Variants in SDR39U1 observed in about 807,000 individuals in gnomAD.
SDR39U1 encodes the protein short chain dehydrogenase/reductase family 39U member 1.
SDR39U1 carries 29 observed loss-of-function variants against 31.7 expected under a neutral mutation model. That is an observed-to-expected ratio of 0.92 (90% CI 0.68 to 1.25). The LOEUF (loss-of-function observed/expected upper bound fraction) is 1.25. Ranked by LOEUF, SDR39U1 falls within the 50% of genes most tolerant of loss-of-function variation. The pLI is 0.00. For synonymous variants in SDR39U1, 147 were observed against 159.0 expected (o/e 0.92, Z 0.57); for missense variants, 403 against 378.4 (o/e 1.06, Z -0.54).
chr14:24,440,438 CGA>C lies in SDR39U1; in HGVS notation c.525_526del (p.Phe175LeufsTer32). On this transcript the variant is annotated frameshift_variant, in exon 6 of 6. Coordinates refer to ENST00000399395, the MANE Select transcript of SDR39U1 (RefSeq NM_020195.3). LOFTEE classifies it high-confidence loss of function. ...GCCGATGGGGCCCCCCAGGCCCAGGCGAAAGGGCAGCAGCATGTGGCCCATGG... is the reference window on the plus strand; with the variant it reads ...GCCGATGGGGCCCCCCAGGCCCAGGCAAGGGCAGCAGCATGTGGCCCATGG... 2 of 1,611,982 alleles carry C rather than the reference CGA, an allele frequency of 1.2e-6. No individual in the cohort carries two copies.
At chr14:24,440,558 G>A (rs2043301826) in intron 5 of SDR39U1, 66 bp from the exon 6 acceptor site, 1 of 1,515,142 alleles carries the variant, frequency 6.6e-7, no homozygotes, top group Non-Finnish European at 9.0e-7. Flanking sequence ...TGCTCCTCCT[G>A]GTTTCTGTTT....
chr14:24,441,788 C>CT lies in SDR39U1; in HGVS notation c.213_214insA (p.Glu72ArgfsTer20). 1 of 1,605,988 alleles carries CT rather than the reference C, an allele frequency of 6.2e-7. No individual in the cohort carries two copies. Among genetic ancestry groups the CT allele is most frequent in the Non-Finnish European group, 8.5e-7 (1 of 1,177,196 alleles). Reference sequence around the variant, plus strand: ...CCGATTACCTCTTTTTGGAAGGTTTCATTCCATCTGCAGGAGAAACATGGG... The same window carrying CT: ...CCGATTACCTCTTTTTGGAAGGTTTCTATTCCATCTGCAGGAGAAACATGGG... On this transcript the variant is annotated frameshift_variant, in exon 4 of 6. Coordinates refer to ENST00000399395, the MANE Select transcript of SDR39U1 (RefSeq NM_020195.3). LOFTEE classifies it high-confidence loss of function.
At chr14:24,442,103 G>A in intron 3 of SDR39U1, 75 bp downstream of exon 3, 1 of 1,560,200 alleles carries the variant, frequency 6.4e-7, no homozygotes. Context: ...ATTACCCATA[G>A]CTCACAGGTT....
chr14:24,440,034 A>C lies in SDR39U1; in HGVS notation c.*49T>G. 2.0e-6 allele frequency: 3 copies of C among 1,498,088 alleles called. No individual in the cohort carries two copies. Among genetic ancestry groups the C allele is most frequent in the Non-Finnish European group, 2.7e-6 (3 of 1,109,864 alleles). The allele number at this position is 1,498,088 out of a possible 1,614,324, so 92.8% of individuals were successfully genotyped here. ...GGAGCTGAGCCTATTCACAGTGCCT[A>C]ACCTGGAAGCCTGTGAGGAACAGGC... On this transcript the variant is annotated 3_prime_UTR_variant, in exon 6 of 6. Coordinates refer to ENST00000399395, the MANE Select transcript of SDR39U1 (RefSeq NM_020195.3).
Position 24,440,344 on chromosome 14 carries a change from T to C in SDR39U1, c.621A>G (p.Glu207=), listed in dbSNP as rs750333767. The change falls in exon 6 of 6, where the codon GAA becomes GAG. Residue 207 remains glutamate (E), a synonymous_variant. Transcript: ENST00000399395. ...TCAGGACCCCGTGCACGTGGTTTGC[T>C]TCAAGGGCATGGGTCAGGATTCCTG... ...DLAGILTHAL[E]ANHVHGVLNG... 6.2e-7 allele frequency: 1 copy of C among 1,614,020 alleles called. No homozygotes were observed. Among genetic ancestry groups the C allele is most frequent in the Admixed American group, 1.7e-5 (1 of 60,030 alleles).
rs745601563 is a variant in SDR39U1 at position 24,442,218 on chromosome 14, C to T, written c.166G>A (p.Val56Ile). The T allele has an allele frequency of 1.9e-6, 3 of 1,612,180 alleles. No homozygotes were observed. The East Asian group carries it at 6.7e-5, about 36-fold the overall frequency. Reference sequence around the variant, plus strand: ...AGGATGTTCTCTCCGGCCAGGTTGACGGCGGCATCGCAGCTCGGCAGCCCC... The same window carrying T: ...AGGATGTTCTCTCCGGCCAGGTTGATGGCGGCATCGCAGCTCGGCAGCCCC... Reference protein sequence around the residue: ...ASGLPSCDAAVNLAGENILNP... With the variant: ...ASGLPSCDAAINLAGENILNP... The change falls in exon 3 of 6, where the codon GTC (valine) becomes ATC (isoleucine). Residue 56 changes from valine (V) to isoleucine (I), a missense_variant. Coordinates refer to ENST00000399395, the MANE Select transcript of SDR39U1 (RefSeq NM_020195.3).
intron 1 of SDR39U1, 88 bp downstream of exon 1, chr14:24,442,666 A>G (rs1197181958): frequency 6.5e-7 from 1 of 1,537,274 alleles, no homozygotes; most frequent in East Asian, 2.3e-5. Flanking sequence ...TTGCCTGTGC[A>G]CTAGACAGTG....
chr14:24,441,827 C>T, intron 3 of SDR39U1, 32 bp from the exon 4 acceptor site: 4 of 1,595,934 alleles, frequency 2.5e-6, no homozygotes, highest in Non-Finnish European at 3.4e-6. Flanking sequence ...TAAAAAGCCA[C>T]TAAATACATA....
intron 3 of SDR39U1, 114 bp from the exon 4 acceptor site, chr14:24,441,909 T>C: frequency 6.9e-7 from 1 of 1,452,464 alleles, no homozygotes; most frequent in Non-Finnish European, 9.4e-7. Flanking sequence ...GCCCTGAATT[T>C]CGGCTTAAGA....
Position 24,440,060 on chromosome 14 carries a change from C to T in SDR39U1, c.*23G>A. ...ACCTGGAAGCCTGTGAGGAACAGGC[C>T]TCAGGCCCTTGCCACGACCTACTTA... On this transcript the variant is annotated 3_prime_UTR_variant, in exon 6 of 6. Coordinates refer to ENST00000399395, the MANE Select transcript of SDR39U1 (RefSeq NM_020195.3). 1 of 1,566,558 alleles carries T rather than the reference C, an allele frequency of 6.4e-7. No homozygotes were observed. Among genetic ancestry groups the T allele is most frequent in the Non-Finnish European group, 8.7e-7 (1 of 1,151,590 alleles).
chr14:24,441,022 TA>T, intron 4 of SDR39U1, 96 bp from the exon 5 acceptor site: 1 of 1,317,958 alleles, frequency 7.6e-7, no homozygotes, highest in Middle Eastern at 1.8e-4. Context: ...CTCTGGCCCT[TA>T]GGATCTCCCC....
intron 4 of SDR39U1, chr14:24,441,443 G>C (rs2043336261): frequency 1.9e-6 from 1 of 514,228 alleles, no homozygotes; most frequent in Non-Finnish European, 3.4e-6. Flanking sequence ...GGGACTTTGG[G>C]ATAGGTGGAC....
At chr14:24,442,676 G>A (rs1314955023) in intron 1 of SDR39U1, 78 bp downstream of exon 1, 9 of 1,564,628 alleles carry the variant, frequency 5.8e-6, no homozygotes, top group East Asian at 4.5e-5. Context: ...ACTAGACAGT[G>A]CCCTCCCGGA....
At chr14:24,441,545 A>C (rs2043338577) in intron 4 of SDR39U1, 129 bp downstream of exon 4, 1 of 723,584 alleles carries the variant, frequency 1.4e-6, no homozygotes, top group African/African-American at 1.8e-5. Flanking sequence ...AGAAACATGC[A>C]TGGATCAAGG....
intron 4 of SDR39U1, chr14:24,441,158 A>T (rs1440875561): frequency 1.6e-6 from 1 of 616,286 alleles, no homozygotes; most frequent in Non-Finnish European, 2.9e-6. Flanking sequence ...AGTGGTTAAG[A>T]ACAGGAACTT....
At chr14:24,442,531 T>C in intron 1 of SDR39U1, 79 bp from the exon 2 acceptor site, 1 of 1,372,968 alleles carries the variant, frequency 7.3e-7, no homozygotes, top group Non-Finnish European at 1.0e-6. Context: ...TGGCACCCTC[T>C]TCCGGCGCCA....
chr14:24,440,082 C>G lies in SDR39U1; in HGVS notation c.*1G>C, dbSNP rs1368615515. 2 of 1,591,328 alleles carry G rather than the reference C, an allele frequency of 1.3e-6. No individual in the cohort carries two copies. The highest frequency in any genetic ancestry group is 1.7e-6 in the Non-Finnish European group (2 of 1,165,096). On this transcript the variant is annotated 3_prime_UTR_variant, in exon 6 of 6. Transcript: ENST00000399395. The stretch of plus-strand genomic sequence containing the variant: ...GGCCTCAGGCCCTTGCCACGACCTA[C>G]TTAGGCTACAATTTCCTTTAAGGCA...
At position 24,442,765 on chromosome 14, in the gene SDR39U1, C is replaced by T. The variant is rs2043393006; in HGVS notation, c.5G>A (p.Arg2His). 5 of 1,613,940 alleles carry T rather than the reference C, an allele frequency of 3.1e-6. No homozygotes were observed. The highest frequency in any genetic ancestry group is 1.3e-5 in the African/African-American group (1 of 74,940). The change falls in exon 1 of 6, where the codon CGT (arginine) becomes CAT (histidine). Residue 2 changes from arginine (R) to histidine (H), a missense_variant. Transcript: ENST00000399395. M[R>H]VLVGGGTGFI... ...CTGCCCTCCCTCACCCACAAGCACA[C>T]GCATAGCGACTAGGACCTAACGCGC... is the stretch of plus-strand genomic sequence containing the variant.
chr14:24,439,859 ACCAAACTGGG>A lies in SDR39U1; in HGVS notation c.*214_*223del. 1 of 502,120 alleles carries A rather than the reference ACCAAACTGGG, an allele frequency of 2.0e-6. No homozygotes were observed. The highest frequency in any genetic ancestry group is 3.5e-6 in the Non-Finnish European group (1 of 284,448). 31.1% of individuals were successfully genotyped at this position (502,120 alleles called of 1,614,324 possible). A position where few individuals can be genotyped will look rare whatever the true frequency, so the allele number is the denominator to read the frequency against. On this transcript the variant is annotated 3_prime_UTR_variant, in exon 6 of 6. Coordinates refer to ENST00000399395, the MANE Select transcript of SDR39U1 (RefSeq NM_020195.3). ...GGGCAGCTGCAGGACATGTAGAGAA[ACCAAACTGGG>A]AAATCTTACAAGGAGTTGAAAAGAT...
Sources: gnomAD v4.1 joint callset for allele counts on GRCh38, gnomAD v4.1.1 for gene constraint, MANE v1.5 for transcripts, NCBI Gene and HGNC (gene_info 2026-07-23, HGNC 2026-07-21) for gene names.